UGGT2: variants seen among roughly 807,000 people sequenced by gnomAD.
The protein encoded by UGGT2 is UDP-glucose glycoprotein glucosyltransferase 2.
In UGGT2, 180 loss-of-function variants were observed where a neutral mutation model predicts 192.1. The observed-to-expected ratio is 0.94, with a 90% CI of 0.83 to 1.06. UGGT2 has a LOEUF of 1.06. Ranked by LOEUF, UGGT2 falls within the 50% of genes least tolerant of loss-of-function variation. The pLI is 0.00. For synonymous variants in UGGT2, 580 were observed against 591.0 expected (o/e 0.98, Z 0.27); for missense variants, 1,849 against 1,795.7 (o/e 1.03, Z -0.54).
chr13:95,941,797 T>C (rs2049689163), intron 15 of UGGT2, among the ~76,000 whole-genome samples: 1 of 152,192 alleles, frequency 6.6e-6, no homozygotes, highest in Non-Finnish European at 1.5e-5. Context: ...ACAATTCTTA[T>C]GAATAAACCA....
intron 12 of UGGT2, among the ~76,000 whole-genome samples, chr13:95,967,080 G>GT (rs1268469509): frequency 4.6e-5 from 7 of 150,674 alleles, no homozygotes; most frequent in Admixed American, 2.6e-4. Context: ...ATTTCCCACT[G>GT]TTTTTTTATG....
intron 32 of UGGT2, 190 bp from the exon 33 acceptor site, chr13:95,859,865 A>T: frequency 2.3e-6 from 1 of 431,128 alleles, no homozygotes. Context: ...AATTGAAGGT[A>T]TGAATTAGAA....
chr13:95,807,067 T>C (rs909191717), intron 38 of UGGT2, among the ~76,000 whole-genome samples: 4 of 152,148 alleles, frequency 2.6e-5, no homozygotes, highest in African/African-American at 9.7e-5. Flanking sequence ...TTTAAAAACT[T>C]TACTAATAGC....
rs914217620 is a variant in UGGT2 at position 95,853,445 on chromosome 13, G to GA, written c.4284+97dup. 4 of 916,322 alleles carry GA rather than the reference G, an allele frequency of 4.4e-6. No individual in the cohort carries two copies. In the African/African-American group the frequency reaches 5.3e-5, roughly 12 times the overall value. The allele number at this position is 916,322 out of a possible 1,614,324, so 56.8% of individuals were successfully genotyped here. ...AATTACATAAACAGCAGTAAATTGAGAAAAAACTCAAAATATAAGACTTTA... is the reference window on the plus strand; with the variant it reads ...AATTACATAAACAGCAGTAAATTGAGAAAAAAACTCAAAATATAAGACTTTA... On this transcript the variant is annotated intron_variant, in intron 36 of 38. Coordinates refer to ENST00000376747, the MANE Select transcript of UGGT2 (RefSeq NM_020121.4).
intron 20 of UGGT2, among the ~76,000 whole-genome samples, chr13:95,904,292 T>G (rs1439838958): frequency 6.6e-6 from 1 of 152,064 alleles, no homozygotes; most frequent in East Asian, 1.9e-4. Flanking sequence ...TAATCTATAT[T>G]ATCTTTTTTT....
At chr13:95,955,292 A>AT (rs946592565) in intron 12 of UGGT2, among the ~76,000 whole-genome samples, 44 of 152,278 alleles carry the variant, frequency 2.9e-4, no homozygotes, top group African/African-American at 1.0e-3. Flanking sequence ...GCTGCAAATC[A>AT]TTTTTTTACA....
intron 1 of UGGT2, among the ~76,000 whole-genome samples, chr13:96,036,320 G>GC (rs1566848585): frequency 1.3e-5 from 2 of 152,046 alleles, no homozygotes; most frequent in African/African-American, 2.4e-5. Context: ...CCCAAACACC[G>GC]CATGTTTTCA....
At chr13:96,053,004 G>A (rs2053531070) in intron 1 of UGGT2, 151 bp downstream of exon 1, 1 of 1,121,170 alleles carries the variant, frequency 8.9e-7, no homozygotes, top group Non-Finnish European at 1.2e-6. Context: ...CCCGGGTCGG[G>A]AAGGAAGGAG....
intron 38 of UGGT2, among the ~76,000 whole-genome samples, chr13:95,806,002 C>A (rs1594047018): frequency 2.8e-5 from 3 of 105,790 alleles, no homozygotes; most frequent in Admixed American, 1.2e-4. Context: ...GAATCTTGGA[C>A]AGAGAGAACA....
At chr13:96,031,857 A>G in intron 2 of UGGT2, 32 bp downstream of exon 2, 1 of 1,513,044 alleles carries the variant, frequency 6.6e-7, no homozygotes, top group Non-Finnish European at 9.1e-7. Context: ...ATAAATACAA[A>G]TCTTACAAGT....
chr13:95,962,934 G>A lies in UGGT2; in HGVS notation c.1335+7178C>T, dbSNP rs950248909. 3.9e-4 allele frequency among the ~76,000 whole-genome samples: 59 copies of A among 152,114 alleles called. 1 individual carries two copies. The highest frequency in any genetic ancestry group is 1.4e-3 in the African/African-American group (56 of 41,430). ...CAAGTCACATCTTATATGGATGGCA[G>A]CAAGCAAAAAGAGAGCTTGCTCAGG... On this transcript the variant is annotated intron_variant, in intron 12 of 38. Coordinates refer to ENST00000376747, the MANE Select transcript of UGGT2 (RefSeq NM_020121.4).
chr13:96,015,663 A>C (rs1354978589), intron 4 of UGGT2, among the ~76,000 whole-genome samples: 3 of 152,196 alleles, frequency 2.0e-5, no homozygotes, highest in Non-Finnish European at 4.4e-5. Flanking sequence ...CATTGGTAAA[A>C]ATTTTAGAAG....
At position 95,863,049 on chromosome 13, in the gene UGGT2, T is replaced by C. The variant is rs533236667; in HGVS notation, c.3644+580A>G. 2.6e-5 allele frequency among the ~76,000 whole-genome samples: 4 copies of C among 152,104 alleles called. No individual in the cohort carries two copies. In the East Asian group the frequency reaches 7.8e-4, roughly 30 times the overall value. On this transcript the variant is annotated intron_variant, in intron 31 of 38. Transcript: ENST00000376747. Reference sequence around the variant, plus strand: ...GGCTAATTTTTAAATTTTTTGTAGATACAGGGTCTCACTATGTTGCCCAGG... The same window carrying C: ...GGCTAATTTTTAAATTTTTTGTAGACACAGGGTCTCACTATGTTGCCCAGG...
chr13:95,966,645 A>C (rs535182089), intron 12 of UGGT2, among the ~76,000 whole-genome samples: 1 of 152,332 alleles, frequency 6.6e-6, no homozygotes, highest in South Asian at 2.1e-4. Context: ...CCTTACATAC[A>C]TAAGAAAATA....
intron 5 of UGGT2, among the ~76,000 whole-genome samples, chr13:96,000,434 C>T (rs538716441): frequency 6.6e-6 from 1 of 152,290 alleles, no homozygotes; most frequent in South Asian, 2.1e-4. Context: ...CTTAACATTG[C>T]TGCCCACACT....
intron 34 of UGGT2, among the ~76,000 whole-genome samples, chr13:95,855,173 G>C (rs1338460308): frequency 6.8e-6 from 1 of 147,346 alleles, no homozygotes; most frequent in African/African-American, 2.5e-5. Context: ...TGGAGTTCCA[G>C]CTCCTAGGAT....
intron 29 of UGGT2, among the ~76,000 whole-genome samples, chr13:95,872,817 A>G (rs966775002): frequency 6.6e-6 from 1 of 152,208 alleles, no homozygotes; most frequent in African/African-American, 2.4e-5. Context: ...AATAGAATCT[A>G]AATCATGTAT....
chr13:95,844,522 T>C (rs1268608407), intron 36 of UGGT2, among the ~76,000 whole-genome samples: 2 of 152,218 alleles, frequency 1.3e-5, no homozygotes, highest in Non-Finnish European at 2.9e-5. Flanking sequence ...TCTGTAAGTC[T>C]TAAGTCTGAC....
chr13:95,917,435 C>A (rs2048713198), intron 20 of UGGT2, among the ~76,000 whole-genome samples: 1 of 152,086 alleles, frequency 6.6e-6, no homozygotes. Context: ...AAAAGAAAAA[C>A]CGTCGGCAGC....
Sources: gnomAD v4.1 joint callset for allele counts (sites outside exome capture counted in the v4.1 genomes callset) on GRCh38, gnomAD v4.1.1 for gene constraint, MANE v1.5 for transcripts, NCBI Gene and HGNC (gene_info 2026-07-23, HGNC 2026-07-21) for gene names.